Variants in ARHGAP24 observed in about 807,000 individuals in gnomAD.
The protein encoded by ARHGAP24 is rho GTPase-activating protein 24.
A neutral mutation model predicts 76.4 loss-of-function variants in ARHGAP24; 50 were observed. The ratio of observed to expected loss-of-function variants is 0.65; its 90% CI spans 0.52 to 0.83. ARHGAP24 has a LOEUF of 0.83. Among genes scored for constraint, ARHGAP24 ranks in the 40% least tolerant of loss-of-function variants. ARHGAP24 has a pLI of 0.00. For missense variants in ARHGAP24, 930 were observed against 914.2 expected (o/e 1.02, Z -0.22); for synonymous variants, 345 against 323.3 (o/e 1.07, Z -0.72).
intron 1 of ARHGAP24, among the ~76,000 whole-genome samples, chr4:85,540,828 G>A (rs11937495): frequency 0.12 from 18,609 of 151,862 alleles, 3,180 homozygotes; most frequent in African/African-American, 0.39. Flanking sequence ...TGCTTGTCTT[G>A]TTAGCAGAGG....
chr4:85,587,991 C>T (rs1727929407), intron 2 of ARHGAP24, among the ~76,000 whole-genome samples: 1 of 152,056 alleles, frequency 6.6e-6, no homozygotes, highest in Non-Finnish European at 1.5e-5. Context: ...AAGGGAAGGT[C>T]ACATTTAAAT....
intron 2 of ARHGAP24, among the ~76,000 whole-genome samples, chr4:85,625,763 G>A (rs1720926935): frequency 6.6e-6 from 1 of 152,046 alleles, no homozygotes; most frequent in Admixed American, 6.5e-5. Context: ...TCCTGTATTG[G>A]GTGCATATAT....
At chr4:85,513,838 G>T (rs1470209839) in intron 1 of ARHGAP24, among the ~76,000 whole-genome samples, 1 of 152,082 alleles carries the variant, frequency 6.6e-6, no homozygotes, top group Non-Finnish European at 1.5e-5. Context: ...AGATTGCCTG[G>T]TTCTGGTTTG....
At chr4:85,834,465 A>C (rs997153922) in intron 3 of ARHGAP24, among the ~76,000 whole-genome samples, 6 of 152,194 alleles carry the variant, frequency 3.9e-5, no homozygotes, top group African/African-American at 9.7e-5. Context: ...ATAATACTTC[A>C]CCCATCTCGC....
intron 2 of ARHGAP24, among the ~76,000 whole-genome samples, chr4:85,662,945 G>A (rs1429592621): frequency 6.6e-6 from 1 of 150,698 alleles, no homozygotes; most frequent in Non-Finnish European, 1.5e-5. Context: ...TTGAAGTCAG[G>A]TAGCGTGATG....
At chr4:85,802,668 G>T (rs1728627172) in intron 3 of ARHGAP24, among the ~76,000 whole-genome samples, 1 of 152,192 alleles carries the variant, frequency 6.6e-6, no homozygotes, top group Non-Finnish European at 1.5e-5. Flanking sequence ...GCACATGCCT[G>T]TAATCCCCGC....
chr4:85,854,014 A>G (rs1406390852), intron 3 of ARHGAP24, among the ~76,000 whole-genome samples: 1 of 151,750 alleles, frequency 6.6e-6, no homozygotes, highest in African/African-American at 2.4e-5. Flanking sequence ...GCATGCCTGT[A>G]ATCTCAGCTA....
intron 2 of ARHGAP24, among the ~76,000 whole-genome samples, chr4:85,655,792 T>TATATAGAG (rs1553920518): frequency 1.9e-3 from 73 of 37,678 alleles, no homozygotes; most frequent in East Asian, 8.9e-3. Context: ...TATATATATA[T>TATATAGAG]AGAGAGAGAG....
chr4:85,868,819 G>C (rs1425590368), intron 3 of ARHGAP24, among the ~76,000 whole-genome samples: 1 of 152,004 alleles, frequency 6.6e-6, no homozygotes, highest in Admixed American at 6.6e-5. Flanking sequence ...AGTTTAAAAA[G>C]AAAATCAACC....
chr4:85,493,320 C>T (rs1423306303), intron 1 of ARHGAP24, among the ~76,000 whole-genome samples: 1 of 152,206 alleles, frequency 6.6e-6, no homozygotes, highest in East Asian at 1.9e-4. Flanking sequence ...ACTCATTGAT[C>T]ATTCTTGCCT....
intron 2 of ARHGAP24, among the ~76,000 whole-genome samples, chr4:85,620,941 C>T (rs1374641666): frequency 6.6e-6 from 1 of 151,962 alleles, no homozygotes; most frequent in East Asian, 1.9e-4. Context: ...CTTTGTTTCT[C>T]CTTTTGGAGT....
chr4:85,648,807 A>G (rs1721824138), intron 2 of ARHGAP24, among the ~76,000 whole-genome samples: 1 of 152,032 alleles, frequency 6.6e-6, no homozygotes, highest in Admixed American at 6.6e-5. Context: ...TCTTTCTGGA[A>G]ATGTGGTTAC....
intron 5 of ARHGAP24, among the ~76,000 whole-genome samples, chr4:85,947,927 T>G (rs1483682789): frequency 6.6e-6 from 1 of 152,154 alleles, no homozygotes; most frequent in African/African-American, 2.4e-5. Flanking sequence ...ATTAAAACCA[T>G]GCCTTTTACA....
intron 1 of ARHGAP24, among the ~76,000 whole-genome samples, chr4:85,554,814 G>A (rs953586371): frequency 2.0e-5 from 3 of 148,202 alleles, no homozygotes; most frequent in Non-Finnish European, 4.5e-5. Context: ...GGGACTACAG[G>A]TGCCCGCTAT....
At chr4:85,962,350 G>C (rs760899571) in intron 5 of ARHGAP24, among the ~76,000 whole-genome samples, 43 of 151,994 alleles carry the variant, frequency 2.8e-4, no homozygotes, top group Non-Finnish European at 5.7e-4. Flanking sequence ...TGAGATAACT[G>C]CATCATTATA....
chr4:85,645,505 C>T (rs565017133), intron 2 of ARHGAP24, among the ~76,000 whole-genome samples: 4 of 152,078 alleles, frequency 2.6e-5, no homozygotes, highest in African/African-American at 7.2e-5. Flanking sequence ...GAAGAGATAT[C>T]TTTGTACTAG....
chr4:85,940,827 G>T (rs1181642283), intron 4 of ARHGAP24, among the ~76,000 whole-genome samples: 1 of 152,078 alleles, frequency 6.6e-6, no homozygotes, highest in Non-Finnish European at 1.5e-5. Context: ...GTGTAGAATA[G>T]TTGTGTTTCC....
At chr4:85,570,386 CTTTCTTTCTTTCTTTCTT>C (rs1727081761) in intron 1 of ARHGAP24, 118 bp from the exon 2 acceptor site, 1 of 33,798 alleles carries the variant, frequency 3.0e-5, no homozygotes, top group Admixed American at 4.4e-4. Context: ...TTCTTTCTTT[CTTTCTTTCTTTCTTTCTT>C]TCTTTCTTTC....
chr4:85,481,403 C>A (rs1489396846), intron 1 of ARHGAP24, among the ~76,000 whole-genome samples: 1 of 152,116 alleles, frequency 6.6e-6, no homozygotes, highest in Non-Finnish European at 1.5e-5. Flanking sequence ...ATGGGTTTGG[C>A]ATGTAGGATA....
Sources: allele counts gnomAD v4.1 joint callset (sites outside exome capture counted in the v4.1 genomes callset), GRCh38; gene constraint gnomAD v4.1.1; transcripts MANE v1.5; gene names NCBI Gene and HGNC (gene_info 2026-07-23, HGNC 2026-07-21).